The following MBNL1 variants were observed in gnomAD, a reference collection of about 807,000 sequenced individuals.
MBNL1 encodes the protein muscleblind like splicing regulator 1, also known as muscleblind-like protein 1.
Under a neutral mutation model 42.2 loss-of-function variants are expected in MBNL1, and 8 were observed. The observed-to-expected ratio is 0.19, with a 90% CI of 0.11 to 0.34. MBNL1 has a LOEUF of 0.34. Ranked by LOEUF, MBNL1 falls within the 10% of genes least tolerant of loss-of-function variation. The probability of loss-of-function intolerance (pLI) is 1.00; values close to 1 mark genes in which losing one functional copy is unlikely to be tolerated. For synonymous variants in MBNL1, 169 were observed against 173.9 expected (o/e 0.97, Z 0.22); for missense variants, 309 against 495.3 (o/e 0.62, Z 3.57).
At chr3:152,280,155 A>C (rs970392246) in intron 1 of MBNL1, among the ~76,000 whole-genome samples, 2 of 152,122 alleles carry the variant, frequency 1.3e-5, no homozygotes, top group African/African-American at 4.8e-5. Flanking sequence ...CCTTTGGAGG[A>C]AAAAGAGGTA....
intron 2 of MBNL1, among the ~76,000 whole-genome samples, chr3:152,362,932 G>A (rs370644068): frequency 1.3e-5 from 2 of 152,136 alleles, no homozygotes; most frequent in East Asian, 3.8e-4. Context: ...TTTATAGAAT[G>A]AACAAATCTG....
At chr3:152,316,254 A>C (rs1173568207) in intron 2 of MBNL1, among the ~76,000 whole-genome samples, 1 of 152,218 alleles carries the variant, frequency 6.6e-6, no homozygotes, top group Non-Finnish European at 1.5e-5. Flanking sequence ...CTGCGGCCTC[A>C]AACTTGTCAG....
At chr3:152,286,331 TA>T (rs1268510307) in intron 1 of MBNL1, among the ~76,000 whole-genome samples, 1 of 144,128 alleles carries the variant, frequency 6.9e-6, no homozygotes, top group Non-Finnish European at 1.5e-5. Flanking sequence ...AATATTTAAT[TA>T]TATTTTATTT....
upstream of MBNL1, chr3:152,267,727 A>G (rs1300933121): frequency 6.6e-6 from 1 of 152,190 alleles, no homozygotes; most frequent in Non-Finnish European, 1.5e-5. Flanking sequence ...TTGTGGATCT[A>G]GCTAAAGGTC....
At chr3:152,308,069 A>C (rs188402503) in intron 2 of MBNL1, among the ~76,000 whole-genome samples, 1 of 152,208 alleles carries the variant, frequency 6.6e-6, no homozygotes, top group African/African-American at 2.4e-5. Context: ...AGCCATATTC[A>C]AAAGGTTTAA....
chr3:152,419,431 A>C (rs2098760831), intron 3 of MBNL1, among the ~76,000 whole-genome samples: 1 of 152,130 alleles, frequency 6.6e-6, no homozygotes, highest in African/African-American at 2.4e-5. Flanking sequence ...GAGGGTAAGC[A>C]GAAGCATGGT....
intron 2 of MBNL1, among the ~76,000 whole-genome samples, chr3:152,254,828 A>G (rs2035219288): frequency 6.6e-6 from 1 of 152,140 alleles, no homozygotes; most frequent in Admixed American, 6.6e-5. Flanking sequence ...AACGAATTTA[A>G]TGCCCTCATC....
At chr3:152,289,565 G>A (rs77777724) in intron 1 of MBNL1, among the ~76,000 whole-genome samples, 2,408 of 151,382 alleles carry the variant, frequency 0.016, 57 homozygotes, top group African/African-American at 0.055. Flanking sequence ...TTGTTTGTGA[G>A]CATATGTGAA....
intron 1 of MBNL1, 163 bp downstream of exon 1, chr3:152,269,255 C>T (rs933654161): frequency 5.6e-6 from 2 of 355,054 alleles, no homozygotes; most frequent in Non-Finnish European, 1.1e-5. Flanking sequence ...CCCTCAGCAC[C>T]TCCTGCCCGG....
chr3:152,321,445 A>G (rs1219963925), intron 2 of MBNL1, among the ~76,000 whole-genome samples: 2 of 152,028 alleles, frequency 1.3e-5, no homozygotes, highest in Non-Finnish European at 2.9e-5. Flanking sequence ...TTTTCTGCAA[A>G]TAGGGTGAGT....
At chr3:152,341,417 A>G (rs1324243557) in intron 2 of MBNL1, among the ~76,000 whole-genome samples, 1 of 152,244 alleles carries the variant, frequency 6.6e-6, no homozygotes, top group African/African-American at 2.4e-5. Context: ...GTGGGAATTT[A>G]GAACACTTAA....
At chr3:152,409,813 T>C (rs1227700004) in intron 2 of MBNL1, among the ~76,000 whole-genome samples, 1 of 152,206 alleles carries the variant, frequency 6.6e-6, no homozygotes, top group Non-Finnish European at 1.5e-5. Flanking sequence ...CATGTGTCTT[T>C]AGACTCTGAC....
chr3:152,354,155 T>C (rs148628262), intron 2 of MBNL1, among the ~76,000 whole-genome samples: 64 of 152,354 alleles, frequency 4.2e-4, no homozygotes, highest in South Asian at 2.5e-3. Flanking sequence ...ATTGAATTCA[T>C]TTTTTAAAAT....
intron 2 of MBNL1, among the ~76,000 whole-genome samples, chr3:152,254,189 T>C (rs1052889099): frequency 6.6e-6 from 1 of 152,110 alleles, no homozygotes; most frequent in Admixed American, 6.6e-5. Flanking sequence ...GTGTAGTTTA[T>C]TTTGTCCGTG....
chr3:152,325,142 G>C (rs1285004620), intron 2 of MBNL1, among the ~76,000 whole-genome samples: 1 of 122,332 alleles, frequency 8.2e-6, no homozygotes, highest in Non-Finnish European at 1.6e-5. Context: ...TGGTCTTTCT[G>C]CCTGGGACTC....
chr3:152,417,323 G>T (rs1489229550), intron 3 of MBNL1, among the ~76,000 whole-genome samples: 1 of 152,160 alleles, frequency 6.6e-6, no homozygotes, highest in Non-Finnish European at 1.5e-5. Flanking sequence ...ACTAGAGGAA[G>T]CCAGGTGACT....
chr3:152,434,661 T>A (rs2099054542), intron 4 of MBNL1, among the ~76,000 whole-genome samples: 1 of 152,214 alleles, frequency 6.6e-6, no homozygotes, highest in Non-Finnish European at 1.5e-5. Context: ...TTTGCACTCC[T>A]ACCAGCAGTG....
At chr3:152,314,469 G>A (rs996878162) in intron 2 of MBNL1, among the ~76,000 whole-genome samples, 8 of 151,522 alleles carry the variant, frequency 5.3e-5, no homozygotes, top group Non-Finnish European at 7.4e-5. Flanking sequence ...TCCACCTCCC[G>A]GGTTGAAGCG....
upstream of MBNL1, chr3:152,268,640 A>G: frequency 2.4e-6 from 1 of 412,296 alleles, no homozygotes; most frequent in South Asian, 1.7e-5. Flanking sequence ...GAGGGGATCC[A>G]CGGCGCCCGC....
Sources: allele counts gnomAD v4.1 joint callset (sites outside exome capture counted in the v4.1 genomes callset), GRCh38; gene constraint gnomAD v4.1.1; transcripts MANE v1.5; gene names NCBI Gene and HGNC (gene_info 2026-07-23, HGNC 2026-07-21).